The following FOXP4 variants were observed in gnomAD, a reference collection of about 807,000 sequenced individuals.
The protein encoded by FOXP4 is forkhead box P4, also known as forkhead box protein P4.
Under a neutral mutation model 82.6 loss-of-function variants are expected in FOXP4, and 25 were observed. That is an observed-to-expected ratio of 0.30 (90% CI 0.22 to 0.42). The LOEUF is 0.42. Ranked by LOEUF, FOXP4 falls within the 10% of genes least tolerant of loss-of-function variation. The probability of loss-of-function intolerance (pLI) is 1.00; values close to 1 mark genes in which losing one functional copy is unlikely to be tolerated. For synonymous variants in FOXP4, 415 were observed against 388.2 expected (o/e 1.07, Z -0.81); for missense variants, 785 against 900.9 (o/e 0.87, Z 1.65).
chr6:41,551,398 C>T (rs532204163), intron 1 of FOXP4, among the ~76,000 whole-genome samples: 1 of 152,128 alleles, frequency 6.6e-6, no homozygotes, highest in African/African-American at 2.4e-5. Context: ...GTCCCTCTGG[C>T]ACAGCCCTGC....
chr6:41,567,421 C>T (rs1764944360), intron 2 of FOXP4, among the ~76,000 whole-genome samples: 1 of 152,218 alleles, frequency 6.6e-6, no homozygotes. Context: ...CCTTCCTAAG[C>T]ACGTTCTCTG....
At chr6:41,595,083 C>T in intron 14 of FOXP4, 92 bp downstream of exon 14, 2 of 1,552,202 alleles carry the variant, frequency 1.3e-6, no homozygotes, top group South Asian at 1.2e-5. Flanking sequence ...TACACATGTG[C>T]ACCAGATCCT....
In FOXP4 at chr6:41,558,333, T is replaced by G. The variant is rs1469133237; in HGVS notation, c.-16-7412T>G. On this transcript the variant is annotated intron_variant, in intron 1 of 16. Transcript: ENST00000307972. This position sits in a 1 kb window ranked among gnomAD's most constrained non-coding sequence, Gnocchi z 4.0. ...CACATTTTAACCCATGGGTCTTGAC[T>G]CACTTTCTTCAAGTGCTGAACCAAG... Among the ~76,000 whole-genome samples the G allele has an allele frequency of 6.6e-6, 1 of 152,170 alleles. No homozygotes were observed. The highest frequency in any genetic ancestry group is 1.5e-5 in the Non-Finnish European group (1 of 68,026).
rs1209600817 is a variant in FOXP4, at chr6:41,565,747, A to G, written c.-14A>G. 2 of 1,582,196 alleles carry G rather than the reference A, an allele frequency of 1.3e-6. No individual in the cohort carries two copies. On this transcript the variant is annotated splice_region_variant and 5_prime_UTR_variant, in exon 2 of 17. Coordinates refer to ENST00000307972, the MANE Select transcript of FOXP4 (RefSeq NM_001012426.2). ...CTGTGTCTCTCTTCCTCCTCCAGGT[A>G]CCGCTAGAGCGACATGATGGTGGAA...
chr6:41,562,598 T>C (rs574259798), intron 1 of FOXP4, among the ~76,000 whole-genome samples: 1 of 152,298 alleles, frequency 6.6e-6, no homozygotes, highest in Admixed American at 6.5e-5. Flanking sequence ...TGATACTCCT[T>C]GAGTGTTGGA....
rs142848154 is a variant in FOXP4 at position 41,595,960 on chromosome 6, C to T, written c.1658+969C>T. On this transcript the variant is annotated intron_variant, in intron 14 of 16. Transcript: ENST00000307972. ...TTGCCCAGGCTGGAGTGCAGTGGCACGATTTTGGCTCACTGCAACCTCCAC... is the reference window on the plus strand; with the variant it reads ...TTGCCCAGGCTGGAGTGCAGTGGCATGATTTTGGCTCACTGCAACCTCCAC... Among the ~76,000 whole-genome samples the T allele has an allele frequency of 8.6e-3, 1,304 of 152,264 alleles. 21 individuals are homozygous for T. Among genetic ancestry groups the T allele is most frequent in the Admixed American group, 0.048 (729 of 15,294 alleles).
chr6:41,584,823 C>A lies in FOXP4; in HGVS notation c.355C>A (p.Gln119Lys), dbSNP rs755075359. The change falls in exon 4 of 17, where the codon CAG becomes AAG. Residue 119 changes from glutamine (Q) to lysine (K), a missense_variant. Coordinates refer to ENST00000307972, the MANE Select transcript of FOXP4 (RefSeq NM_001012426.2). ...GCAGATGCTTACCCCGCAACAGATG[C>A]AGCAGATCCTGTCGCCCCCGCAGCT... The part of the protein sequence containing the change: ...SPQMLTPQQM[Q>K]QILSPPQLQA... The A allele has an allele frequency of 6.2e-7, 1 of 1,608,570 alleles. No homozygotes were observed. The highest frequency in any genetic ancestry group is 8.5e-7 in the Non-Finnish European group (1 of 1,177,746).
At chr6:41,573,296 T>C (rs1459289382) in intron 2 of FOXP4, among the ~76,000 whole-genome samples, 2 of 152,106 alleles carry the variant, frequency 1.3e-5, no homozygotes, top group African/African-American at 4.8e-5. Context: ...AGTGTGGTCC[T>C]ATCCTGGAGG....
intron 15 of FOXP4, among the ~76,000 whole-genome samples, 200 bp from the exon 16 acceptor site, chr6:41,597,581 G>A (rs903539531): frequency 1.3e-5 from 2 of 152,126 alleles, no homozygotes; most frequent in Admixed American, 6.5e-5. Context: ...AGGTCGGGGG[G>A]TCAGAGTTCC....
At chr6:41,594,746 CTGCTCATCCCTGAG>C (rs1374984999) in intron 13 of FOXP4, 110 bp from the exon 14 acceptor site, 122 of 1,449,196 alleles carry the variant, frequency 8.4e-5, no homozygotes, top group Admixed American at 3.1e-4. Context: ...CCCCCCTCCC[CTGCTCATCCCTGAG>C]CTGGGGAAGG....
At chr6:41,562,081 C>T (rs1054295114) in intron 1 of FOXP4, among the ~76,000 whole-genome samples, 2 of 152,230 alleles carry the variant, frequency 1.3e-5, no homozygotes, top group Non-Finnish European at 1.5e-5. Flanking sequence ...GGGAGCACAC[C>T]GGTGCTGTCG....
At chr6:41,592,299 C>G (rs1016132176) in intron 13 of FOXP4, among the ~76,000 whole-genome samples, 2 of 152,210 alleles carry the variant, frequency 1.3e-5, no homozygotes, top group East Asian at 3.8e-4. Flanking sequence ...CCTGCCTACC[C>G]TTTGCCCTGG....
chr6:41,598,523 T>C (rs1767013087), intron 16 of FOXP4, among the ~76,000 whole-genome samples: 1 of 152,130 alleles, frequency 6.6e-6, no homozygotes, highest in African/African-American at 2.4e-5. Flanking sequence ...TGGCCTCTCT[T>C]CTATCTTTCT....
At chr6:41,557,912 G>A (rs934655974) in intron 1 of FOXP4, among the ~76,000 whole-genome samples, 3 of 152,124 alleles carry the variant, frequency 2.0e-5, no homozygotes, top group African/African-American at 7.2e-5. Flanking sequence ...CTTACAAATC[G>A]AAGGCTTTGG....
intron 1 of FOXP4, among the ~76,000 whole-genome samples, chr6:41,556,801 G>A (rs1764305246): frequency 6.6e-6 from 1 of 152,184 alleles, no homozygotes; most frequent in Admixed American, 6.5e-5. Context: ...TGTGTGTTGT[G>A]TAAGACAGAA....
chr6:41,582,573 A>G (rs1765862302), intron 3 of FOXP4, among the ~76,000 whole-genome samples: 1 of 152,190 alleles, frequency 6.6e-6, no homozygotes, highest in Non-Finnish European at 1.5e-5. Context: ...TGGGAGGAGG[A>G]AAGAAAGGAC....
intron 3 of FOXP4, among the ~76,000 whole-genome samples, chr6:41,581,680 G>A (rs150981737): frequency 2.6e-5 from 4 of 152,330 alleles, no homozygotes; most frequent in South Asian, 4.1e-4. Flanking sequence ...ATCAGCATGC[G>A]GCAGCCACTT....
chr6:41,602,152 G>A lies in FOXP4; in HGVS notation c.*3216G>A, dbSNP rs775458597. Reference sequence around the variant, plus strand: ...CTAATCCTCTGGACGCTTGTGTAGGGCCTGGGGTGAATTCCCTGTCCCCCA... The same window carrying A: ...CTAATCCTCTGGACGCTTGTGTAGGACCTGGGGTGAATTCCCTGTCCCCCA... On this transcript the variant is annotated 3_prime_UTR_variant, in exon 17 of 17. Coordinates refer to ENST00000307972, the MANE Select transcript of FOXP4 (RefSeq NM_001012426.2). The A allele has an allele frequency of 2.0e-5, 3 of 152,182 alleles. No homozygotes were observed. The highest frequency in any genetic ancestry group is 4.4e-5 in the Non-Finnish European group (3 of 68,062). The allele number at this position is 152,182 out of a possible 1,614,324, so 9.4% of individuals were successfully genotyped here.
rs1767144854 is a variant in FOXP4 at position 41,600,243 on chromosome 6, G to A, written c.*1307G>A. ...GAGAAAGCGGGCTCTCACCCCCTCA[G>A]GAGTGGGCACGGGAGCCCTTCTCCC... On this transcript the variant is annotated 3_prime_UTR_variant, in exon 17 of 17. Coordinates refer to ENST00000307972, the MANE Select transcript of FOXP4 (RefSeq NM_001012426.2). The A allele has an allele frequency of 6.6e-6, 1 of 152,628 alleles. No homozygotes were observed. Among genetic ancestry groups the A allele is most frequent in the South Asian group, 2.1e-4 (1 of 4,828 alleles). 9.5% of individuals were successfully genotyped at this position (152,628 alleles called of 1,614,324 possible). A position where few individuals can be genotyped will look rare whatever the true frequency, so the allele number is the denominator to read the frequency against.
Sources: allele counts gnomAD v4.1 joint callset (sites outside exome capture counted in the v4.1 genomes callset), GRCh38; gene constraint gnomAD v4.1.1; non-coding constraint Gnocchi (gnomAD v3.1); transcripts MANE v1.5; gene names NCBI Gene and HGNC (gene_info 2026-07-23, HGNC 2026-07-21).